Variants in PCDHB3 observed in about 807,000 individuals in gnomAD.
The protein encoded by PCDHB3 is protocadherin beta 3, also known as protocadherin beta-3.
For missense variants in PCDHB3, 967 were observed against 1,012.1 expected (o/e 0.96, Z 0.60); for synonymous variants, 479 against 456.0 (o/e 1.05, Z -0.64).
Position 141,101,285 on chromosome 5 carries a change from C to T in PCDHB3, c.636C>T (p.Leu212=). 1 of 1,614,210 alleles carries T rather than the reference C, an allele frequency of 6.2e-7. No homozygotes were observed. The highest frequency in any genetic ancestry group is 1.3e-5 in the African/African-American group (1 of 75,056). The change falls in exon 1 of 1, where the codon CTC becomes CTT. Residue 212 remains leucine, a synonymous_variant. Coordinates refer to ENST00000231130, the MANE Select transcript of PCDHB3 (RefSeq NM_018937.5). The part of the protein sequence containing the change: ...PEEQPELSLT[L]TALDGGSPPR... Reference sequence around the variant, plus strand: ...AGCAGCCGGAACTCAGCTTAACGCTCACCGCGCTGGACGGCGGCTCTCCCC... The same window carrying T: ...AGCAGCCGGAACTCAGCTTAACGCTTACCGCGCTGGACGGCGGCTCTCCCC...
At position 141,100,972 on chromosome 5, in the gene PCDHB3, T is replaced by A; in HGVS notation, c.323T>A (p.Ile108Lys). ...GAACCATGCATACTACATTTTCAGATATTACTGCAAAACCCTTTGCAATTC... is the reference window on the plus strand; with the variant it reads ...GAACCATGCATACTACATTTTCAGAAATTACTGCAAAACCCTTTGCAATTC... ...PTEPCILHFQ[I>K]LLQNPLQFVT... The change falls in exon 1 of 1, where the codon ATA becomes AAA. Residue 108 changes from isoleucine (I) to lysine (K), a missense_variant. Ile to Lys is a moderately radical substitution (Grantham distance 102, BLOSUM62 -3). Transcript: ENST00000231130. The A allele has an allele frequency of 2.5e-6, 4 of 1,614,116 alleles. No homozygotes were observed. In the South Asian group the frequency reaches 3.3e-5, roughly 13 times the overall value.
rs782517448 is a variant in PCDHB3 at position 141,102,181 on chromosome 5, G to C, written c.1532G>C (p.Gly511Ala). 16 of 1,612,878 alleles carry C rather than the reference G, an allele frequency of 9.9e-6. No homozygotes were observed. The highest frequency in any genetic ancestry group is 1.4e-5 in the Non-Finnish European group (16 of 1,179,966). Residue 511 changes from glycine (G) to alanine (A), a missense_variant, in exon 1 of 1, where the codon GGC becomes GCC. Gly to Ala is a moderately conservative substitution (Grantham distance 60). Transcript: ENST00000231130. ...SSLVSINADNGHLFALRSLDY... is the reference protein window; with the variant it reads ...SSLVSINADNAHLFALRSLDY... ...CTGGTCTCCATCAACGCGGACAACGGCCACCTGTTTGCCCTCAGGTCGCTG... is the reference window on the plus strand; with the variant it reads ...CTGGTCTCCATCAACGCGGACAACGCCCACCTGTTTGCCCTCAGGTCGCTG...
Position 141,102,693 on chromosome 5 carries a change from C to CAGGCCG in PCDHB3, c.2046_2051dup (p.Ala683_Asp684insGluAla). On this transcript the variant is annotated inframe_insertion, in exon 1 of 1. Coordinates refer to ENST00000231130, the MANE Select transcript of PCDHB3 (RefSeq NM_018937.5). ...CCCGGAGGCGGCACCGGCCCAGGCCCAGGCCGACTTGCTCACCGTCTACCT... is the reference window on the plus strand; with the variant it reads ...CCCGGAGGCGGCACCGGCCCAGGCCCAGGCCGAGGCCGACTTGCTCACCGTCTACCT... 6.2e-7 allele frequency: 1 copy of CAGGCCG among 1,611,810 alleles called. No homozygotes were observed. The highest frequency in any genetic ancestry group is 1.1e-5 in the South Asian group (1 of 91,016).
At position 141,101,028 on chromosome 5, in the gene PCDHB3, A is replaced by C. The variant is rs1248728719; in HGVS notation, c.379A>C (p.Asn127His). 6.2e-7 allele frequency: 1 copy of C among 1,614,060 alleles called. No individual in the cohort carries two copies. Among genetic ancestry groups the C allele is most frequent in the Non-Finnish European group, 8.5e-7 (1 of 1,180,038 alleles). ...VTNELRIIDV[N>H]DHSPVFFENE... is the part of the protein sequence containing the mutation. ...AAACGAGCTCCGTATCATAGATGTA[A>C]ATGACCATTCTCCGGTATTCTTTGA... is the stretch of plus-strand genomic sequence containing the variant. Residue 127 changes from asparagine to histidine, a missense_variant, in exon 1 of 1, where the codon AAT (asparagine) becomes CAT (histidine). Coordinates refer to ENST00000231130, the MANE Select transcript of PCDHB3 (RefSeq NM_018937.5).
Position 141,103,064 on chromosome 5 carries a change from C to T in PCDHB3, c.*24C>T. ...AAGTGTTAATAAGGATCTACTGAGC[C>T]TCGTCTTAGTTAATCTGTGGAAAGT... On this transcript the variant is annotated 3_prime_UTR_variant, in exon 1 of 1. Coordinates refer to ENST00000231130, the MANE Select transcript of PCDHB3 (RefSeq NM_018937.5). 2 of 1,582,370 alleles carry T rather than the reference C, an allele frequency of 1.3e-6. No individual in the cohort carries two copies. The highest frequency in any genetic ancestry group is 4.5e-5 in the East Asian group (2 of 44,640).
rs782231859 is a variant in PCDHB3 at position 141,100,926 on chromosome 5, G to GA, written c.278dup (p.Glu94GlyfsTer35). The GA allele has an allele frequency of 7.4e-6, 12 of 1,613,988 alleles. No individual in the cohort carries two copies. Among genetic ancestry groups the GA allele is most frequent in the Non-Finnish European group, 1.0e-5 (12 of 1,180,046 alleles). ...GCTCCTGAATGAGAAATTGGACCGGGAGGAGCTATGCGGCCCCACAGAACC... is the reference window on the plus strand; with the variant it reads ...GCTCCTGAATGAGAAATTGGACCGGGAAGGAGCTATGCGGCCCCACAGAACC... On this transcript the variant is annotated frameshift_variant, in exon 1 of 1. Coordinates refer to ENST00000231130, the MANE Select transcript of PCDHB3 (RefSeq NM_018937.5). LOFTEE classifies it low-confidence loss of function (END_TRUNC).
rs1554272793 is a variant in PCDHB3, at chr5:141,103,691, A to G, written c.*651A>G. ...TTCTGTGTTGACATTTGCAATTAAT[A>G]TTTCAATATTTTATGTGCTTATATT... On this transcript the variant is annotated 3_prime_UTR_variant, in exon 1 of 1. Transcript: ENST00000231130. 1 of 152,224 alleles carries G rather than the reference A, an allele frequency of 6.6e-6. No homozygotes were observed. Among genetic ancestry groups the G allele is most frequent in the Non-Finnish European group, 1.5e-5 (1 of 68,038 alleles). The allele number at this position is 152,224 out of a possible 1,614,324, so 9.4% of individuals were successfully genotyped here. A position where few individuals can be genotyped will look rare whatever the true frequency, so the allele number is the denominator to read the frequency against.
At position 141,103,142 on chromosome 5, in the gene PCDHB3, C is replaced by T; in HGVS notation, c.*102C>T. 7.2e-7 allele frequency: 1 copy of T among 1,380,400 alleles called. No homozygotes were observed. The highest frequency in any genetic ancestry group is 9.9e-7 in the Non-Finnish European group (1 of 1,011,994). The allele number at this position is 1,380,400 out of a possible 1,614,324, so 85.5% of individuals were successfully genotyped here. ...AGGTCTTTTTTGGTCTGGTTCAAGG[C>T]AAGTAGCAAGAATAGAGCAAAATAT... On this transcript the variant is annotated 3_prime_UTR_variant, in exon 1 of 1. Coordinates refer to ENST00000231130, the MANE Select transcript of PCDHB3 (RefSeq NM_018937.5).
chr5:141,101,907 A>G lies in PCDHB3; in HGVS notation c.1258A>G (p.Thr420Ala). Residue 420 changes from threonine (T) to alanine (A), a missense_variant, in exon 1 of 1, where the codon ACC becomes GCC. Transcript: ENST00000231130. The part of the protein sequence containing the change: ...DRETRSEYNI[T>A]ITITDLGTPR... ...AGAGACCAGATCCGAGTACAACATT[A>G]CCATCACTATCACTGACCTGGGGAC... 3.7e-6 allele frequency: 6 copies of G among 1,614,146 alleles called. No homozygotes were observed. The highest frequency in any genetic ancestry group is 5.1e-6 in the Non-Finnish European group (6 of 1,180,020).
Position 141,100,959 on chromosome 5 carries a change from C to A in PCDHB3, c.310C>A (p.Leu104Ile). Reference sequence around the variant, plus strand: ...ATGCGGCCCCACAGAACCATGCATACTACATTTTCAGATATTACTGCAAAA... The same window carrying A: ...ATGCGGCCCCACAGAACCATGCATAATACATTTTCAGATATTACTGCAAAA... ...ELCGPTEPCI[L>I]HFQILLQNPL... is the part of the protein sequence containing the mutation. The change falls in exon 1 of 1, where the codon CTA (leucine) becomes ATA (isoleucine). Residue 104 changes from leucine to isoleucine, a missense_variant. Transcript: ENST00000231130. The A allele has an allele frequency of 6.2e-7, 1 of 1,614,116 alleles. No individual in the cohort carries two copies. Among genetic ancestry groups the A allele is most frequent in the Non-Finnish European group, 8.5e-7 (1 of 1,180,032 alleles).
In PCDHB3 at chr5:141,100,475, T is replaced by A; in HGVS notation, c.-175T>A. The A allele has an allele frequency of 1.8e-6, 1 of 560,908 alleles. No individual in the cohort carries two copies. The highest frequency in any genetic ancestry group is 3.1e-6 in the Non-Finnish European group (1 of 317,888). The allele number at this position is 560,908 out of a possible 1,614,324, so 34.7% of individuals were successfully genotyped here. On this transcript the variant is annotated 5_prime_UTR_variant, in exon 1 of 1. Coordinates refer to ENST00000231130, the MANE Select transcript of PCDHB3 (RefSeq NM_018937.5). ...CATGCTCGGTGACGCACGGATCCAG[T>A]GTGGTAAACCAGCGGTTGAGAGCCC...
chr5:141,102,516 G>C lies in PCDHB3; in HGVS notation c.1867G>C (p.Glu623Gln). The C allele has an allele frequency of 6.2e-7, 1 of 1,608,706 alleles. No individual in the cohort carries two copies. Among genetic ancestry groups the C allele is most frequent in the Non-Finnish European group, 8.5e-7 (1 of 1,179,580 alleles). Residue 623 changes from glutamate to glutamine, a missense_variant, in exon 1 of 1, where the codon GAA becomes CAA. Coordinates refer to ENST00000231130, the MANE Select transcript of PCDHB3 (RefSeq NM_018937.5). The stretch of plus-strand genomic sequence containing the variant: ...GTTCGGCGTGTGGGCGCACAATGGC[G>C]AAGTGCGCACCGCCAGGCTGCTGAG... ...GLFGVWAHNG[E>Q]VRTARLLSER...
Position 141,103,182 on chromosome 5 carries a change from G to A in PCDHB3, c.*142G>A. Reference sequence around the variant, plus strand: ...GAGCAAAATATCAAATCCAGGGATGGCTTAGGTTTCATTAACAGTACTGGA... The same window carrying A: ...GAGCAAAATATCAAATCCAGGGATGACTTAGGTTTCATTAACAGTACTGGA... On this transcript the variant is annotated 3_prime_UTR_variant, in exon 1 of 1. Coordinates refer to ENST00000231130, the MANE Select transcript of PCDHB3 (RefSeq NM_018937.5). The A allele has an allele frequency of 1.0e-6, 1 of 963,812 alleles. No homozygotes were observed. The highest frequency in any genetic ancestry group is 2.8e-5 in the Admixed American group (1 of 36,014). 59.7% of individuals were successfully genotyped at this position (963,812 alleles called of 1,614,324 possible). A position where few individuals can be genotyped will look rare whatever the true frequency, so the allele number is the denominator to read the frequency against.
Position 141,100,864 on chromosome 5 carries a change from A to C in PCDHB3, c.215A>C (p.Lys72Thr). The change falls in exon 1 of 1, where the codon AAA (lysine) becomes ACA (threonine). Residue 72 changes from lysine to threonine, a missense_variant. Physicochemically the swap from Lys to Thr is moderately conservative, Grantham distance 78. Transcript: ENST00000231130. ...RGAQVVSKGN[K>T]QHFQLSHQTG... ...GCCCAAGTTGTGTCCAAAGGGAACA[A>C]ACAGCATTTTCAGCTCAGTCATCAG... 1 of 1,614,130 alleles carries C rather than the reference A, an allele frequency of 6.2e-7. No individual in the cohort carries two copies. The highest frequency in any genetic ancestry group is 8.5e-7 in the Non-Finnish European group (1 of 1,180,016).
rs868967069 is a variant in PCDHB3, at chr5:141,102,059, C to T, written c.1410C>T (p.Ile470=). 6.2e-7 allele frequency: 1 copy of T among 1,612,966 alleles called. No homozygotes were observed. The highest frequency in any genetic ancestry group is 1.1e-5 in the South Asian group (1 of 91,020). The change falls in exon 1 of 1, where the codon ATC becomes ATT. Residue 470 remains isoleucine (I), a synonymous_variant. Transcript: ENST00000231130. ...VRENNSPALH[I]GSVSATDRDS... is the part of the protein sequence containing the mutation. ...AGAACAACAGCCCCGCCCTGCACAT[C>T]GGCAGTGTCAGCGCCACAGACAGAG...
In PCDHB3 at chr5:141,100,908, A is replaced by C. The variant is rs781812958; in HGVS notation, c.259A>C (p.Asn87His). The C allele has an allele frequency of 6.2e-7, 1 of 1,614,142 alleles. No homozygotes were observed. The highest frequency in any genetic ancestry group is 2.2e-5 in the East Asian group (1 of 44,882). ...LSHQTGDLLL[N>H]EKLDREELCG... ...TCATCAGACAGGTGATTTGCTCCTGAATGAGAAATTGGACCGGGAGGAGCT... is the reference window on the plus strand; with the variant it reads ...TCATCAGACAGGTGATTTGCTCCTGCATGAGAAATTGGACCGGGAGGAGCT... The change falls in exon 1 of 1, where the codon AAT becomes CAT. Residue 87 changes from asparagine to histidine, a missense_variant. Coordinates refer to ENST00000231130, the MANE Select transcript of PCDHB3 (RefSeq NM_018937.5).
rs1752012081 is a variant in PCDHB3, at chr5:141,103,431, A to G, written c.*391A>G. 1 of 163,944 alleles carries G rather than the reference A, an allele frequency of 6.1e-6. No individual in the cohort carries two copies. Among genetic ancestry groups the G allele is most frequent in the South Asian group, 1.8e-4 (1 of 5,488 alleles). The allele number at this position is 163,944 out of a possible 1,614,324, so 10.2% of individuals were successfully genotyped here. A position where few individuals can be genotyped will look rare whatever the true frequency, so the allele number is the denominator to read the frequency against. The stretch of plus-strand genomic sequence containing the variant: ...TAGTGATTTCAAATAGCTTATTAAA[A>G]TAACTCCATTCAAATTTTACATTAT... On this transcript the variant is annotated 3_prime_UTR_variant, in exon 1 of 1. Coordinates refer to ENST00000231130, the MANE Select transcript of PCDHB3 (RefSeq NM_018937.5).
At position 141,102,043 on chromosome 5, in the gene PCDHB3, G is replaced by T. The variant is rs1444999845; in HGVS notation, c.1394G>T (p.Ser465Ile). 14 of 1,613,044 alleles carry T rather than the reference G, an allele frequency of 8.7e-6. No individual in the cohort carries two copies. The highest frequency in any genetic ancestry group is 1.2e-5 in the Non-Finnish European group (14 of 1,180,026). The change falls in exon 1 of 1, where the codon AGC (serine) becomes ATC (isoleucine). Residue 465 changes from serine to isoleucine, a missense_variant. Physicochemically the swap from Ser to Ile is moderately radical, Grantham distance 142. Transcript: ENST00000231130. ...SYTLFVRENN[S>I]PALHIGSVSA... Reference sequence around the variant, plus strand: ...ACCCTGTTCGTCCGCGAGAACAACAGCCCCGCCCTGCACATCGGCAGTGTC... The same window carrying T: ...ACCCTGTTCGTCCGCGAGAACAACATCCCCGCCCTGCACATCGGCAGTGTC...
Position 141,103,027 on chromosome 5 carries a change from T to C in PCDHB3, c.2378T>C (p.Phe793Ser), listed in dbSNP as rs782361241. 3 of 1,607,368 alleles carry C rather than the reference T, an allele frequency of 1.9e-6. No homozygotes were observed. The African/African-American group carries it at 4.0e-5, about 22-fold the overall frequency. ...SEANPSFRKS[F>S]EFS is the part of the protein sequence containing the mutation. Reference sequence around the variant, plus strand: ...GCAAATCCCAGTTTCAGGAAGAGCTTTGAATTCAGTTAAGTGTTAATAAGG... The same window carrying C: ...GCAAATCCCAGTTTCAGGAAGAGCTCTGAATTCAGTTAAGTGTTAATAAGG... Residue 793 changes from phenylalanine to serine, a missense_variant, in exon 1 of 1, where the codon TTT (phenylalanine) becomes TCT (serine). By Grantham distance (155) the Phe-to-Ser change is radical. Coordinates refer to ENST00000231130, the MANE Select transcript of PCDHB3 (RefSeq NM_018937.5).
Sources: allele counts gnomAD v4.1 joint callset, GRCh38; gene constraint gnomAD v4.1.1; transcripts MANE v1.5; gene names NCBI Gene and HGNC (gene_info 2026-07-23, HGNC 2026-07-21).